Variants in ARID5B observed in about 807,000 individuals in gnomAD.
The protein encoded by ARID5B is AT-rich interactive domain-containing protein 5B.
ARID5B carries 13 observed loss-of-function variants against 97.2 expected under a neutral mutation model. The ratio of observed to expected loss-of-function variants is 0.13; its 90% confidence interval spans 0.09 to 0.21. The LOEUF is 0.21. Ranked by LOEUF, ARID5B falls within the 10% of genes least tolerant of loss-of-function variation. The pLI, the probability that ARID5B is intolerant of heterozygous loss-of-function variation, is 1.00. For synonymous variants in ARID5B, 556 were observed against 570.3 expected (o/e 0.97, Z 0.36); for missense variants, 1,210 against 1,465.3 (o/e 0.83, Z 2.84).
chr10:62,010,492 C>T (rs988375436), intron 4 of ARID5B, among the ~76,000 whole-genome samples: 4 of 152,204 alleles, frequency 2.6e-5, no homozygotes. Flanking sequence ...GGCTTCAAAT[C>T]TCCATCATCT....
intron 2 of ARID5B, among the ~76,000 whole-genome samples, chr10:61,920,634 A>C (rs1369523935): frequency 6.6e-6 from 1 of 152,190 alleles, no homozygotes; most frequent in Non-Finnish European, 1.5e-5. Context: ...ATGGAAAAAA[A>C]AGGAAGATGG....
rs79073528 is a variant in ARID5B at position 62,003,289 on chromosome 10, A to G, written c.733+2968A>G. On this transcript the variant is annotated intron_variant, in intron 4 of 9. Coordinates refer to ENST00000279873, the MANE Select transcript of ARID5B (RefSeq NM_032199.3). ...GTTACAAGAAAGTCAATGATTAAGT[A>G]TTTGATGAGTGTTGCAGAAAGCAAG... Among the ~76,000 whole-genome samples, 1,378 of 152,258 alleles carry G rather than the reference A, an allele frequency of 9.1e-3. 38 individuals carry two copies. Among genetic ancestry groups the G allele is most frequent in the East Asian group, 0.081 (420 of 5,172 alleles).
Position 62,091,628 on chromosome 10 carries a change from T to A in ARID5B, c.2165T>A (p.Leu722Gln). 6.2e-7 allele frequency: 1 copy of A among 1,613,994 alleles called. No individual in the cohort carries two copies. The part of the protein sequence containing the change: ...SPPPLISKKK[L>Q]IARDDLCSSL... ...CCCCCTTTGATCAGCAAAAAGAAAC[T>A]GATTGCTAGGGATGACTTGTGTTCC... The change falls in exon 10 of 10, where the codon CTG becomes CAG. Residue 722 changes from leucine (L) to glutamine (Q), a missense_variant. Leu to Gln is a moderately radical substitution (Grantham distance 113). This residue lies in a region of ARID5B where 800 missense variants were observed against 839.1 expected (regional missense o/e 0.95). Coordinates refer to ENST00000279873, the MANE Select transcript of ARID5B (RefSeq NM_032199.3).
At chr10:61,931,243 G>A (rs1000824307) in intron 2 of ARID5B, among the ~76,000 whole-genome samples, 1 of 151,866 alleles carries the variant, frequency 6.6e-6, no homozygotes, top group Non-Finnish European at 1.5e-5. Flanking sequence ...TACTACAGTA[G>A]GAATTAAAAC....
At chr10:61,988,386 T>A (rs1838875229) in intron 3 of ARID5B, among the ~76,000 whole-genome samples, 1 of 152,230 alleles carries the variant, frequency 6.6e-6, no homozygotes, top group African/African-American at 2.4e-5. Flanking sequence ...CAGAAGGATA[T>A]GTTTAACCCA....
In ARID5B at chr10:62,093,221, A is replaced by G; in HGVS notation, c.*191A>G. On this transcript the variant is annotated 3_prime_UTR_variant, in exon 10 of 10. Transcript: ENST00000279873. ...TGGGACAACTCTAGCCCACAAACTG[A>G]CTGGCTGGTGAGTCTTGACTCCCTT... The G allele has an allele frequency of 1.3e-6, 1 of 779,396 alleles. No homozygotes were observed. Among genetic ancestry groups the G allele is most frequent in the South Asian group, 2.2e-5 (1 of 46,412 alleles). The allele number at this position is 779,396 out of a possible 1,614,324, so 48.3% of individuals were successfully genotyped here.
intron 8 of ARID5B, among the ~76,000 whole-genome samples, chr10:62,073,762 C>T (rs992976094): frequency 5.3e-5 from 8 of 152,212 alleles, no homozygotes; most frequent in African/African-American, 1.9e-4. Flanking sequence ...GTAGATGTCT[C>T]AAACTCAGCA....
Position 62,092,103 on chromosome 10 carries a change from T to G in ARID5B, c.2640T>G (p.His880Gln), listed in dbSNP as rs1290234686. The change falls in exon 10 of 10, where the codon CAT becomes CAG. Residue 880 changes from histidine (H) to glutamine (Q), a missense_variant. This residue lies in a region of ARID5B where 800 missense variants were observed against 839.1 expected (regional missense o/e 0.95). Coordinates refer to ENST00000279873, the MANE Select transcript of ARID5B (RefSeq NM_032199.3). ...FPSHRHQEKL[H>Q]VNYLTSLHLQ... is the part of the protein sequence containing the mutation. ...CCCACAGACACCAAGAAAAGCTCCA[T>G]GTAAATTATCTCACGTCCCTGCACC... is the stretch of plus-strand genomic sequence containing the variant. The G allele has an allele frequency of 1.1e-5, 17 of 1,612,498 alleles. No individual in the cohort carries two copies. The highest frequency in any genetic ancestry group is 1.4e-5 in the Non-Finnish European group (17 of 1,179,576).
chr10:62,080,631 A>T (rs913934219), intron 8 of ARID5B, among the ~76,000 whole-genome samples: 11 of 152,172 alleles, frequency 7.2e-5, no homozygotes, highest in Non-Finnish European at 1.6e-4. Context: ...TTCACAGTAA[A>T]GTTATATTTT....
At chr10:61,993,873 G>A (rs1327777139) in intron 3 of ARID5B, among the ~76,000 whole-genome samples, 1 of 152,102 alleles carries the variant, frequency 6.6e-6, no homozygotes, top group Non-Finnish European at 1.5e-5. Context: ...ACAGGAGGAA[G>A]CATAAATCAT....
intron 3 of ARID5B, among the ~76,000 whole-genome samples, chr10:61,994,112 G>A (rs970356490): frequency 6.6e-6 from 1 of 152,136 alleles, no homozygotes; most frequent in African/African-American, 2.4e-5. Flanking sequence ...GCATCCAAAT[G>A]CATTTGCCCT....
At position 62,096,497 on chromosome 10, in the gene ARID5B, AG is replaced by A. The variant is rs1840472727; in HGVS notation, c.*3468del. 4.3e-6 allele frequency: 1 copy of A among 233,276 alleles called. No individual in the cohort carries two copies. The highest frequency in any genetic ancestry group is 2.2e-5 in the African/African-American group (1 of 45,340). The allele number at this position is 233,276 out of a possible 1,614,324, so 14.5% of individuals were successfully genotyped here. A position where few individuals can be genotyped will look rare whatever the true frequency, so the allele number is the denominator to read the frequency against. On this transcript the variant is annotated 3_prime_UTR_variant, in exon 10 of 10. Coordinates refer to ENST00000279873, the MANE Select transcript of ARID5B (RefSeq NM_032199.3). ...TGCAATGATTATCTTGAGCACTTAA[AG>A]TCCAGTGTTGGCTGTTAGTGTATTT...
At chr10:62,052,630 T>C (rs760407959) in intron 5 of ARID5B, among the ~76,000 whole-genome samples, 3 of 152,162 alleles carry the variant, frequency 2.0e-5, no homozygotes, top group Non-Finnish European at 4.4e-5. Context: ...TTTCTTTCCA[T>C]GGAAGGCAGC....
chr10:61,932,554 T>C (rs1260652281), intron 2 of ARID5B, among the ~76,000 whole-genome samples: 1 of 151,958 alleles, frequency 6.6e-6, no homozygotes, highest in Non-Finnish European at 1.5e-5. Context: ...GAACTATGGG[T>C]GTGTGCCACC....
intron 3 of ARID5B, among the ~76,000 whole-genome samples, chr10:61,969,412 T>C (rs890003637): frequency 6.6e-6 from 1 of 151,958 alleles, no homozygotes; most frequent in Non-Finnish European, 1.5e-5. Flanking sequence ...TTATGCACAC[T>C]GTTATCCTTT....
intron 4 of ARID5B, among the ~76,000 whole-genome samples, chr10:62,024,374 C>T (rs566605648): frequency 1.7e-4 from 26 of 152,322 alleles, no homozygotes; most frequent in South Asian, 6.2e-4. Flanking sequence ...GATTACTGCA[C>T]ATGCTCAATT....
At chr10:62,073,269 A>T (rs751047137) in intron 8 of ARID5B, among the ~76,000 whole-genome samples, 5 of 152,194 alleles carry the variant, frequency 3.3e-5, no homozygotes, top group African/African-American at 7.2e-5. Flanking sequence ...AGTGATCTCT[A>T]TGCATTATCC....
intron 4 of ARID5B, among the ~76,000 whole-genome samples, chr10:62,012,010 A>G (rs1348980070): frequency 6.6e-6 from 1 of 152,124 alleles, no homozygotes; most frequent in Non-Finnish European, 1.5e-5. Context: ...AGGGGAAAAA[A>G]AAAAGTAAAT....
At chr10:61,948,923 T>C (rs1478279107) in intron 3 of ARID5B, among the ~76,000 whole-genome samples, 1 of 152,266 alleles carries the variant, frequency 6.6e-6, no homozygotes, top group Non-Finnish European at 1.5e-5. Flanking sequence ...ATTCTGCCAC[T>C]ACACTCCCTG....
Sources: gnomAD v4.1 joint callset for allele counts (sites outside exome capture counted in the v4.1 genomes callset) on GRCh38, gnomAD v4.1.1 for gene constraint, gnomAD v4.1.1 regional missense constraint, MANE v1.5 for transcripts, NCBI Gene and HGNC (gene_info 2026-07-23, HGNC 2026-07-21) for gene names.